Variants in CDC42BPB observed in about 807,000 individuals in gnomAD.
CDC42BPB encodes serine/threonine-protein kinase MRCK beta.
CDC42BPB carries 37 observed loss-of-function variants against 214.9 expected under a neutral mutation model. The ratio of observed to expected loss-of-function variants is 0.17; its 90% CI spans 0.13 to 0.23. CDC42BPB has a LOEUF of 0.23. Ranked by LOEUF, CDC42BPB falls within the 10% of genes least tolerant of loss-of-function variation. CDC42BPB has a pLI of 1.00. For missense variants in CDC42BPB, 1,694 were observed against 2,227.0 expected (o/e 0.76, Z 4.82); for synonymous variants, 931 against 884.0 (o/e 1.05, Z -0.94).
intron 30 of CDC42BPB, chr14:102,941,524 A>G: frequency 2.0e-6 from 2 of 985,462 alleles, no homozygotes; most frequent in South Asian, 4.7e-5. Context: ...CCAAGTCAAA[A>G]GCAGCCCCAG....
chr14:102,977,642 G>A (rs1893815051), intron 9 of CDC42BPB, among the ~76,000 whole-genome samples: 2 of 152,190 alleles, frequency 1.3e-5, no homozygotes, highest in South Asian at 2.1e-4. Flanking sequence ...CCAGCTCTCA[G>A]CTGAGTGCGC....
intron 1 of CDC42BPB, among the ~76,000 whole-genome samples, chr14:103,044,879 C>T (rs1266248763): frequency 6.6e-6 from 1 of 151,272 alleles, no homozygotes; most frequent in African/African-American, 2.4e-5. Context: ...AATAGTAAAG[C>T]ATCAGTAGAA....
chr14:102,944,719 C>G lies in CDC42BPB; in HGVS notation c.3812-232G>C. The G allele has an allele frequency of 1.0e-6, 1 of 967,936 alleles. No homozygotes were observed. Among genetic ancestry groups the G allele is most frequent in the Non-Finnish European group, 1.2e-6 (1 of 814,058 alleles). The allele number at this position is 967,936 out of a possible 1,614,324, so 60.0% of individuals were successfully genotyped here. A position where few individuals can be genotyped will look rare whatever the true frequency, so the allele number is the denominator to read the frequency against. Reference sequence around the variant, plus strand: ...CCACAGCGCGCTCCTGGGGCAGCCTCGGGGGCTGGTCCAAAGGCTCCTCTG... The same window carrying G: ...CCACAGCGCGCTCCTGGGGCAGCCTGGGGGGCTGGTCCAAAGGCTCCTCTG... On this transcript the variant is annotated intron_variant, in intron 29 of 36. Transcript: ENST00000361246. This position sits in a 1 kb window ranked among gnomAD's most constrained non-coding sequence, Gnocchi z 6.6.
At chr14:103,009,074 T>G (rs1886005967) in intron 2 of CDC42BPB, among the ~76,000 whole-genome samples, 1 of 152,180 alleles carries the variant, frequency 6.6e-6, no homozygotes, top group Non-Finnish European at 1.5e-5. Context: ...CATTCCACCC[T>G]ACGTAAGTCA....
chr14:102,955,730 G>GCTGA (rs1892679648), intron 21 of CDC42BPB, among the ~76,000 whole-genome samples: 2 of 152,238 alleles, frequency 1.3e-5, no homozygotes, highest in African/African-American at 4.8e-5. Context: ...CGCACATGTA[G>GCTGA]GTATGCTGAG....
At chr14:102,958,952 C>T (rs1047291514) in intron 21 of CDC42BPB, among the ~76,000 whole-genome samples, 7 of 149,660 alleles carry the variant, frequency 4.7e-5, no homozygotes, top group African/African-American at 7.4e-5. Flanking sequence ...GGATTACAGG[C>T]GTGAGCCACT....
At chr14:103,002,611 GC>G (rs1194260833) in intron 4 of CDC42BPB, among the ~76,000 whole-genome samples, 3 of 152,102 alleles carry the variant, frequency 2.0e-5, no homozygotes. Flanking sequence ...TGAGCAGGAA[GC>G]GGGGGGGTTT....
intron 14 of CDC42BPB, 131 bp from the exon 15 acceptor site, chr14:102,968,847 A>G: frequency 6.7e-7 from 1 of 1,497,628 alleles, no homozygotes; most frequent in Non-Finnish European, 8.8e-7. Flanking sequence ...TCTACACCAG[A>G]TGACGTAGCT....
At position 103,040,030 on chromosome 14, in the gene CDC42BPB, T is replaced by G. The variant is rs117518445; in HGVS notation, c.175+16969A>C. ...CAACTCTTACCCCTGCACTGTGAAT[T>G]TAATTAATGCCACTGAATTGAACAC... On this transcript the variant is annotated intron_variant, in intron 1 of 36. Coordinates refer to ENST00000361246, the MANE Select transcript of CDC42BPB (RefSeq NM_006035.4). Among the ~76,000 whole-genome samples the G allele has an allele frequency of 4.6e-4, 70 of 152,278 alleles. 1 individual carries two copies. The East Asian group carries it at 0.01, about 22-fold the overall frequency.
chr14:103,047,201 T>C (rs1163298789), intron 1 of CDC42BPB, among the ~76,000 whole-genome samples: 2 of 149,618 alleles, frequency 1.3e-5, no homozygotes, highest in Non-Finnish European at 3.0e-5. Context: ...GGAGAATCAC[T>C]TGAACCTGGG....
chr14:102,937,119 G>A (rs1891677543), intron 36 of CDC42BPB: 1 of 152,214 alleles, frequency 6.6e-6, no homozygotes, highest in Admixed American at 6.5e-5. Flanking sequence ...GCTGCCTCAG[G>A]ACACAGTACC....
intron 9 of CDC42BPB, among the ~76,000 whole-genome samples, chr14:102,977,693 G>A (rs1893818523): frequency 6.6e-6 from 1 of 152,202 alleles, no homozygotes; most frequent in South Asian, 2.1e-4. Context: ...GACTGGATCA[G>A]AGCTAACCCT....
chr14:102,940,296 G>A lies in CDC42BPB; in HGVS notation c.4437C>T (p.Tyr1479=), dbSNP rs755976927. The A allele has an allele frequency of 3.8e-6, 6 of 1,583,086 alleles. No individual in the cohort carries two copies. In the South Asian group the frequency reaches 5.7e-5, roughly 15 times the overall value. ...CSCSPTHVTV[Y]SEYGVDVFDV... is the part of the protein sequence containing the mutation. Reference sequence around the variant, plus strand: ...CAAAGACGTCCACGCCATACTCGCTGTACACCGTGACGTGGGTGGGGCTGC... The same window carrying A: ...CAAAGACGTCCACGCCATACTCGCTATACACCGTGACGTGGGTGGGGCTGC... The change falls in exon 31 of 37, where the codon TAC becomes TAT. Residue 1479 remains tyrosine (Y), a synonymous_variant. Coordinates refer to ENST00000361246, the MANE Select transcript of CDC42BPB (RefSeq NM_006035.4).
At chr14:103,014,708 C>G (rs889220662) in intron 1 of CDC42BPB, among the ~76,000 whole-genome samples, 12 of 152,092 alleles carry the variant, frequency 7.9e-5, no homozygotes, top group African/African-American at 2.9e-4. Context: ...GAGTTATGAA[C>G]AATGGCCCCC....
At chr14:103,032,866 C>T (rs111312748) in intron 1 of CDC42BPB, among the ~76,000 whole-genome samples, 3,141 of 150,158 alleles carry the variant, frequency 0.021, 114 homozygotes, top group African/African-American at 0.073. Context: ...ATCCACCTGC[C>T]TCAGCCTCCC....
intron 24 of CDC42BPB, among the ~76,000 whole-genome samples, chr14:102,951,624 A>C (rs1367553338): frequency 6.6e-6 from 1 of 152,166 alleles, no homozygotes; most frequent in East Asian, 1.9e-4. Context: ...CCCCATCTCT[A>C]CTAAGAACAC....
intron 1 of CDC42BPB, among the ~76,000 whole-genome samples, chr14:103,040,843 A>G (rs1267900245): frequency 6.6e-6 from 1 of 152,222 alleles, no homozygotes; most frequent in Non-Finnish European, 1.5e-5. Context: ...TAAGATGGCA[A>G]TACTCCCCAA....
chr14:102,972,190 C>T lies in CDC42BPB; in HGVS notation c.1642-29G>A, dbSNP rs369345323. ...AACAAAAACAATTATAGATGTTTTACGTTTGCCTAACAAAGGCTTGGAAGG... is the reference window on the plus strand; with the variant it reads ...AACAAAAACAATTATAGATGTTTTATGTTTGCCTAACAAAGGCTTGGAAGG... On this transcript the variant is annotated intron_variant, in intron 12 of 36. Coordinates refer to ENST00000361246, the MANE Select transcript of CDC42BPB (RefSeq NM_006035.4). 1.2e-5 allele frequency: 20 copies of T among 1,605,262 alleles called. No individual in the cohort carries two copies. The African/African-American group carries it at 1.5e-4, about 12-fold the overall frequency.
chr14:103,006,698 T>C (rs933232524), intron 3 of CDC42BPB, among the ~76,000 whole-genome samples: 2 of 152,186 alleles, frequency 1.3e-5, no homozygotes, highest in Admixed American at 6.5e-5. Flanking sequence ...AATAAAAAGA[T>C]AAATTATTTG....
Sources: gnomAD v4.1 joint callset for allele counts (sites outside exome capture counted in the v4.1 genomes callset) on GRCh38, gnomAD v4.1.1 for gene constraint, Gnocchi (gnomAD v3.1) non-coding constraint, MANE v1.5 for transcripts, NCBI Gene and HGNC (gene_info 2026-07-23, HGNC 2026-07-21) for gene names.